C3: variants seen among roughly 807,000 people sequenced by gnomAD.
The protein encoded by C3 is complement C3, also known as C3 and PZP-like alpha-2-macroglobulin domain-containing protein 1.
C3 carries 97 observed loss-of-function variants against 207.9 expected under a neutral mutation model. The observed-to-expected ratio is 0.47, with a 90% CI of 0.40 to 0.55. C3 has a LOEUF of 0.55. C3 is among the 20% of genes least tolerant of loss of function. The pLI, the probability that C3 is intolerant of heterozygous loss-of-function variation, is 0.00. For missense variants in C3, 1,684 were observed against 2,171.7 expected (o/e 0.78, Z 4.46); for synonymous variants, 848 against 857.6 (o/e 0.99, Z 0.20).
intron 19 of C3, 101 bp downstream of exon 19, chr19:6,702,026 T>A: frequency 1.3e-6 from 1 of 756,166 alleles, no homozygotes; most frequent in Non-Finnish European, 2.4e-6. Context: ...GAGAATAAAG[T>A]GCCAAGAAAC....
In C3 at chr19:6,707,073, T is replaced by C. The variant is rs772500277; in HGVS notation, c.2245+3A>G. The C allele has an allele frequency of 1.4e-5, 20 of 1,389,336 alleles. No homozygotes were observed. Among genetic ancestry groups the C allele is most frequent in the African/African-American group, 3.1e-5 (2 of 65,496 alleles). The allele number at this position is 1,389,336 out of a possible 1,614,324, so 86.1% of individuals were successfully genotyped here. On this transcript the variant is annotated splice_donor_region_variant and intron_variant, in intron 17 of 40. Transcript: ENST00000245907. ...CCCCCTGTCCCCACCCCGTGGGACC[T>C]ACTCCTGGCCAGGCCCAGGTGGCTG...
At position 6,720,538 on chromosome 19, in the gene C3, G is replaced by A. The variant is rs1200505625; in HGVS notation, c.52C>T (p.Pro18Ser). The A allele has an allele frequency of 1.0e-5, 16 of 1,594,708 alleles. No individual in the cohort carries two copies. The highest frequency in any genetic ancestry group is 1.4e-5 in the Non-Finnish European group (16 of 1,170,510). The change falls in exon 1 of 41, where the codon CCC (proline) becomes TCC (serine). Residue 18 changes from proline (P) to serine (S), a missense_variant. Around this residue, in one of 3 missense-constraint regions of C3, gnomAD observed 58 missense variants for 52.5 expected, o/e 1.10. Coordinates refer to ENST00000245907, the MANE Select transcript of C3 (RefSeq NM_000064.4). ...CACATGGGACTCCCCAGAGCCAGGG[G>A]GAGGTGGGTTAGTAGCAGGAGCAGC... ...SLLLLLLTHL[P>S]LALGSPMYSI...
chr19:6,678,107 CG>C (rs773766353), intron 40 of C3, 44 bp downstream of exon 40: 3 of 1,613,818 alleles, frequency 1.9e-6, no homozygotes, highest in African/African-American at 1.3e-5. Flanking sequence ...GTGGCATGGG[CG>C]GGGCAGTCGG....
At chr19:6,714,637 A>G (rs553906373) in intron 4 of C3, among the ~76,000 whole-genome samples, 191 bp from the exon 5 acceptor site, 2 of 152,280 alleles carry the variant, frequency 1.3e-5, no homozygotes, top group African/African-American at 2.4e-5. Context: ...TGAGGCGGGC[A>G]GATCACCTGA....
At position 6,715,624 on chromosome 19, in the gene C3, T is replaced by TTG. The variant is rs1449664162; in HGVS notation, c.505-1179_505-1178insCA. Among the ~76,000 whole-genome samples the TTG allele has an allele frequency of 1.8e-4, 27 of 147,998 alleles. 3 individuals are homozygous for TTG. The highest frequency in any genetic ancestry group is 3.5e-4 in the African/African-American group (14 of 40,254). On this transcript the variant is annotated intron_variant, in intron 4 of 40. Transcript: ENST00000245907. ...TAAAAATCTGTTTTTTTTTTGTTTT[T>TTG]TTTGTTTTTTTTTTTGAGACGGAGT...
chr19:6,719,193 G>C lies in C3; in HGVS notation c.267+18C>G, dbSNP rs1312806988. On this transcript the variant is annotated intron_variant, in intron 2 of 40. Transcript: ENST00000245907. This position sits in a 1 kb window ranked among gnomAD's most constrained non-coding sequence, Gnocchi z 5.4. The stretch of plus-strand genomic sequence containing the variant: ...TGGCTGTGGGTGTCAGCCGGGTCCT[G>C]CGCCAGTCTGCACTCACCGTGAAGG... 1.2e-6 allele frequency: 2 copies of C among 1,612,440 alleles called. No individual in the cohort carries two copies. The highest frequency in any genetic ancestry group is 1.7e-6 in the Non-Finnish European group (2 of 1,178,604).
At position 6,702,117 on chromosome 19, in the gene C3, CCT is replaced by C. The variant is rs1351849424; in HGVS notation, c.2440+8_2440+9del. The stretch of plus-strand genomic sequence containing the variant: ...CTGCCTCCCGGGGACCAGCCAGCAT[CCT>C]CTCTCACCTTTCTTGTCCGACATGC... On this transcript the variant is annotated splice_region_variant and intron_variant, in intron 19 of 40. Transcript: ENST00000245907. 5.2e-6 allele frequency: 8 copies of C among 1,524,518 alleles called. No individual in the cohort carries two copies. The highest frequency in any genetic ancestry group is 6.4e-6 in the Non-Finnish European group (7 of 1,100,230). The allele number at this position is 1,524,518 out of a possible 1,614,324, so 94.4% of individuals were successfully genotyped here.
Position 6,707,556 on chromosome 19 carries a change from G to A in C3, c.1976-19C>T, listed in dbSNP as rs11569433. ...TGAAGTTCTGCAGGGCAGGCGGACCGAGAAGAAGATGGATGAGGCACCTAC... is the reference window on the plus strand; with the variant it reads ...TGAAGTTCTGCAGGGCAGGCGGACCAAGAAGAAGATGGATGAGGCACCTAC... On this transcript the variant is annotated intron_variant, in intron 15 of 40. Transcript: ENST00000245907. 1,823 of 1,613,872 alleles carry A rather than the reference G, an allele frequency of 1.1e-3. 18 individuals are homozygous for A. The African/African-American group carries it at 0.021, about 19-fold the overall frequency.
At chr19:6,689,496 A>G (rs11569520) in intron 27 of C3, among the ~76,000 whole-genome samples, 15,949 of 151,718 alleles carry the variant, frequency 0.11, 999 homozygotes, top group Non-Finnish European at 0.13. Context: ...CCACTAGCTG[A>G]GGGTGGAATC....
At chr19:6,720,038 A>G (rs1459034634) in intron 1 of C3, among the ~76,000 whole-genome samples, 1 of 152,122 alleles carries the variant, frequency 6.6e-6, no homozygotes, top group African/African-American at 2.4e-5. Flanking sequence ...CAAATCTTGT[A>G]AAGTCCAAAC....
rs746985605 is a variant in C3 at position 6,678,243 on chromosome 19, G to A, written c.4759C>T (p.Pro1587Ser). Residue 1587 changes from proline to serine, a missense_variant, in exon 40 of 41, where the codon CCC (proline) becomes TCC (serine). Pro to Ser is a moderately conservative substitution (Grantham distance 74). This residue lies in a region of C3 where 346 missense variants were observed against 380.1 expected (regional missense o/e 0.91). Coordinates refer to ENST00000245907, the MANE Select transcript of C3 (RefSeq NM_000064.4). ...TTCAGGGCTTCTCTGCACTTGATGG[G>A]GCTGATGAACGTGCGCTGCTGTCCA... Reference protein sequence around the residue: ...QVGQQRTFISPIKCREALKLE... With the variant: ...QVGQQRTFISSIKCREALKLE... 3.1e-6 allele frequency: 5 copies of A among 1,614,182 alleles called. 1 individual carries two copies. The South Asian group carries it at 3.3e-5, about 11-fold the overall frequency.
At position 6,700,642 on chromosome 19, in the gene C3, T is replaced by C. The variant is rs1236326898; in HGVS notation, c.2440+1485A>G. 6.7e-5 allele frequency among the ~76,000 whole-genome samples: 4 copies of C among 60,064 alleles called. 2 individuals are homozygous for C. Among genetic ancestry groups the C allele is most frequent in the Admixed American group, 4.9e-4 (2 of 4,054 alleles). 39.4% of individuals were successfully genotyped at this position (60,064 alleles called of 152,430 possible). A position where few individuals can be genotyped will look rare whatever the true frequency, so the allele number is the denominator to read the frequency against. Reference sequence around the variant, plus strand: ...TATATAATATATGATATATTATATATGTAATATATAATATATGATATATTA... The same window carrying C: ...TATATAATATATGATATATTATATACGTAATATATAATATATGATATATTA... On this transcript the variant is annotated intron_variant, in intron 19 of 40. Coordinates refer to ENST00000245907, the MANE Select transcript of C3 (RefSeq NM_000064.4).
intron 14 of C3, 73 bp downstream of exon 14, chr19:6,709,611 T>TTGCCCCCCCCCC: frequency 9.0e-7 from 1 of 1,109,444 alleles, no homozygotes; most frequent in Non-Finnish European, 1.4e-6. Context: ...CCCTCTCCAG[T>TTGCCCCCCCCCC]CCCACCCACC....
intron 24 of C3, 149 bp from the exon 25 acceptor site, chr19:6,693,636 T>C: frequency 1.4e-6 from 1 of 693,760 alleles, no homozygotes; most frequent in Non-Finnish European, 2.5e-6. Flanking sequence ...AGGGAAGGAC[T>C]CAAAGAGGGT....
chr19:6,690,630 T>C lies in C3; in HGVS notation c.3488A>G (p.Asn1163Ser). The C allele has an allele frequency of 6.2e-7, 1 of 1,613,594 alleles. No homozygotes were observed. The highest frequency in any genetic ancestry group is 8.5e-7 in the Non-Finnish European group (1 of 1,179,438). ...GGTGGGAAGATGGAGGGCACTTACG[T>C]TGACCTGCTCCTCGCAAATATCTTT... ...EAKDICEEQV[N>S]SLPGSITKAG... Residue 1163 changes from asparagine (N) to serine (S), a missense_variant and splice_region_variant, in exon 27 of 41, where the codon AAC becomes AGC. By Grantham distance (46) the Asn-to-Ser change is conservative. Around this residue, in one of 3 missense-constraint regions of C3, gnomAD observed 1,280 missense variants for 1,739.1 expected, o/e 0.74. Coordinates refer to ENST00000245907, the MANE Select transcript of C3 (RefSeq NM_000064.4).
rs759373843 is a variant in C3, at chr19:6,686,836, A to G, written c.3556T>C (p.Ser1186Pro). 3.1e-6 allele frequency: 5 copies of G among 1,613,594 alleles called. No individual in the cohort carries two copies. The highest frequency in any genetic ancestry group is 4.2e-6 in the Non-Finnish European group (5 of 1,179,610). ...LEANYMNLQRSYTVAIAGYAL... is the reference protein window; with the variant it reads ...LEANYMNLQRPYTVAIAGYAL... ...TAGCCAGCAATGGCCACAGTGTAGG[A>G]TCTCTGTAGGTTCATGTAGTTGGCT... The change falls in exon 28 of 41, where the codon TCC becomes CCC. Residue 1186 changes from serine to proline, a missense_variant. Coordinates refer to ENST00000245907, the MANE Select transcript of C3 (RefSeq NM_000064.4).
chr19:6,683,742 C>T (rs576669671), intron 33 of C3, among the ~76,000 whole-genome samples: 1 of 152,334 alleles, frequency 6.6e-6, no homozygotes, highest in African/African-American at 2.4e-5. Context: ...CGAGCCGCCA[C>T]ACCCGGCCAT....
intron 14 of C3, 73 bp downstream of exon 14, chr19:6,709,611 T>TTGCC: frequency 7.1e-5 from 79 of 1,109,326 alleles, no homozygotes; most frequent in East Asian, 1.3e-4. Flanking sequence ...CCCTCTCCAG[T>TTGCC]CCCACCCACC....
intron 18 of C3, 91 bp from the exon 19 acceptor site, chr19:6,702,303 G>T: frequency 2.0e-6 from 2 of 998,332 alleles, no homozygotes; most frequent in Non-Finnish European, 1.6e-6. Context: ...CAAGGGACAG[G>T]CTGGAAGGGT....
Sources: allele counts gnomAD v4.1 joint callset (sites outside exome capture counted in the v4.1 genomes callset), GRCh38; gene constraint gnomAD v4.1.1; regional missense constraint gnomAD v4.1.1; non-coding constraint Gnocchi (gnomAD v3.1); transcripts MANE v1.5; gene names NCBI Gene and HGNC (gene_info 2026-07-23, HGNC 2026-07-21).